BBS9: variants seen among roughly 807,000 people sequenced by gnomAD.
The protein encoded by BBS9 is protein PTHB1.
BBS9 carries 89 observed loss-of-function variants against 117.7 expected under a neutral mutation model. The ratio of observed to expected loss-of-function variants is 0.76; its 90% CI spans 0.64 to 0.90. The LOEUF (loss-of-function observed/expected upper bound fraction) is 0.90. BBS9 is among the 40% of genes least tolerant of loss of function. The probability of loss-of-function intolerance (pLI) is 0.00; values close to 1 mark genes in which losing one functional copy is unlikely to be tolerated. For synonymous variants in BBS9, 379 were observed against 370.9 expected, an observed-to-expected ratio of 1.02 and a Z score of -0.25; for missense variants, 982 against 1,042.2, an observed-to-expected ratio of 0.94 and a Z score of 0.80.
At chr7:33,632,610 C>A (rs907094395) in intron 21 of BBS9, among the ~76,000 whole-genome samples, 9 of 152,096 alleles carry the variant, frequency 5.9e-5, no homozygotes, top group African/African-American at 2.2e-4. Flanking sequence ...ATGACCCATT[C>A]GGGCTTCGGT....
chr7:33,436,056 T>G (rs1302711112), intron 19 of BBS9, among the ~76,000 whole-genome samples: 1 of 152,188 alleles, frequency 6.6e-6, no homozygotes, highest in Admixed American at 6.5e-5. Flanking sequence ...GTCTTTTTTG[T>G]AAAGTGCCGT....
rs529648676 is a variant in BBS9, at chr7:33,362,936, C to T, written c.1694-4831C>T. ...TTTTTAAGATGAAAATGCAGACCAT[C>T]GTTCATTTATTTAGGGTCTATTTTG... On this transcript the variant is annotated intron_variant, in intron 16 of 22. Transcript: ENST00000242067. Among the ~76,000 whole-genome samples, 13 of 151,824 alleles carry T rather than the reference C, an allele frequency of 8.6e-5. No homozygotes were observed. In the South Asian group the frequency reaches 2.5e-3, roughly 29 times the overall value.
At chr7:33,483,592 T>G (rs2128979468) in intron 19 of BBS9, among the ~76,000 whole-genome samples, 1 of 152,202 alleles carries the variant, frequency 6.6e-6, no homozygotes, top group Non-Finnish European at 1.5e-5. Context: ...TCACGTGATA[T>G]TTTATATTTG....
intron 19 of BBS9, among the ~76,000 whole-genome samples, chr7:33,469,191 C>A (rs1199348928): frequency 6.6e-6 from 1 of 152,062 alleles, no homozygotes; most frequent in African/African-American, 2.4e-5. Flanking sequence ...GCATTGTTTG[C>A]CAAACCACTT....
At chr7:33,141,521 C>T (rs746111323) in intron 1 of BBS9, among the ~76,000 whole-genome samples, 6 of 152,158 alleles carry the variant, frequency 3.9e-5, no homozygotes, top group Non-Finnish European at 5.9e-5. Flanking sequence ...GCATGGACCA[C>T]TATGCCCATC....
At chr7:33,527,440 T>C (rs1292585771) in intron 20 of BBS9, among the ~76,000 whole-genome samples, 1 of 152,136 alleles carries the variant, frequency 6.6e-6, no homozygotes, top group Non-Finnish European at 1.5e-5. Flanking sequence ...GTGTGGGATA[T>C]AGTCTCGTGG....
chr7:33,338,648 A>G (rs917229596), intron 10 of BBS9, among the ~76,000 whole-genome samples: 3 of 152,172 alleles, frequency 2.0e-5, no homozygotes, highest in African/African-American at 4.8e-5. Flanking sequence ...TTATGTGTGT[A>G]AGTTATAAGA....
At chr7:33,312,274 T>A (rs1174013932) in intron 9 of BBS9, among the ~76,000 whole-genome samples, 1 of 152,228 alleles carries the variant, frequency 6.6e-6, no homozygotes, top group Non-Finnish European at 1.5e-5. Context: ...CATAGCGTCT[T>A]GTGTTAGCTA....
At chr7:33,315,169 G>A (rs1810213904) in intron 9 of BBS9, among the ~76,000 whole-genome samples, 1 of 152,152 alleles carries the variant, frequency 6.6e-6, no homozygotes, top group African/African-American at 2.4e-5. Flanking sequence ...CGGTTCTGGA[G>A]GACAGACTCC....
At chr7:33,404,276 A>C (rs566976556) in intron 19 of BBS9, among the ~76,000 whole-genome samples, 3,880 of 152,124 alleles carry the variant, frequency 0.026, 77 homozygotes, top group South Asian at 0.05. Context: ...GTCAGGTAGC[A>C]TGATGCCTCC....
At chr7:33,234,345 G>T (rs964053347) in intron 5 of BBS9, among the ~76,000 whole-genome samples, 2 of 151,962 alleles carry the variant, frequency 1.3e-5, no homozygotes, top group African/African-American at 4.8e-5. Flanking sequence ...TTGAGGTATA[G>T]TTGACAATTA....
intron 1 of BBS9, among the ~76,000 whole-genome samples, chr7:33,144,773 T>G (rs907967688): frequency 6.6e-6 from 1 of 152,234 alleles, no homozygotes; most frequent in Admixed American, 6.5e-5. Context: ...TTTTCAACTT[T>G]AGGATGTTGT....
chr7:33,324,900 G>A (rs1199300587), intron 9 of BBS9, among the ~76,000 whole-genome samples: 4 of 152,028 alleles, frequency 2.6e-5, no homozygotes, highest in Admixed American at 1.3e-4. Context: ...CTGCTTTTAG[G>A]ATCCTTTCTT....
At chr7:33,384,187 T>G (rs78174821) in intron 18 of BBS9, among the ~76,000 whole-genome samples, 3,987 of 152,314 alleles carry the variant, frequency 0.026, 184 homozygotes, top group African/African-American at 0.091. Context: ...AGGCCATAAA[T>G]GAGGTGTGAT....
intron 17 of BBS9, among the ~76,000 whole-genome samples, chr7:33,369,044 G>A (rs952437315): frequency 5.9e-5 from 9 of 151,988 alleles, no homozygotes; most frequent in Non-Finnish European, 1.0e-4. Flanking sequence ...ATTTTATTTT[G>A]ATAAGAAGAC....
chr7:33,525,887 A>G (rs375819949), intron 20 of BBS9, among the ~76,000 whole-genome samples: 2 of 151,274 alleles, frequency 1.3e-5, no homozygotes, highest in South Asian at 4.2e-4. Context: ...CGGCTGGTAC[A>G]GGTTGTTCCT....
At chr7:33,275,235 G>T (rs978712847) in intron 9 of BBS9, among the ~76,000 whole-genome samples, 1 of 152,116 alleles carries the variant, frequency 6.6e-6, no homozygotes, top group African/African-American at 2.4e-5. Context: ...TATGTTTTAT[G>T]AGAAAAAACA....
chr7:33,467,444 T>C (rs1840342501), intron 19 of BBS9, among the ~76,000 whole-genome samples: 1 of 152,144 alleles, frequency 6.6e-6, no homozygotes, highest in Admixed American at 6.6e-5. Context: ...TTCCTATTCC[T>C]AGTTTACACA....
rs531533774 is a variant in BBS9, at chr7:33,177,025, G to A, written c.329-453G>A. Among the ~76,000 whole-genome samples, 3 of 152,232 alleles carry A rather than the reference G, an allele frequency of 2.0e-5. No homozygotes were observed. In the South Asian group the frequency reaches 6.2e-4, roughly 32 times the overall value. ...TCTCAATTAAATTAGAATATAATTAGGGGCTTGAATATTTTGAGAGTTGGG... is the reference window on the plus strand; with the variant it reads ...TCTCAATTAAATTAGAATATAATTAAGGGCTTGAATATTTTGAGAGTTGGG... On this transcript the variant is annotated intron_variant, in intron 4 of 22. Coordinates refer to ENST00000242067, the MANE Select transcript of BBS9 (RefSeq NM_198428.3).
Sources: gnomAD v4.1 joint callset for allele counts (sites outside exome capture counted in the v4.1 genomes callset) on GRCh38, gnomAD v4.1.1 for gene constraint, MANE v1.5 for transcripts, NCBI Gene and HGNC (gene_info 2026-07-23, HGNC 2026-07-21) for gene names.